The following GRHL2 variants were observed in gnomAD, a reference collection of about 807,000 sequenced individuals.
GRHL2 encodes the protein grainyhead-like protein 2 homolog.
Under a neutral mutation model 83.8 loss-of-function variants are expected in GRHL2, and 21 were observed. That is an observed-to-expected ratio of 0.25 (90% CI 0.18 to 0.36). The LOEUF is 0.36. GRHL2 is among the 10% of genes least tolerant of loss of function. The pLI is 1.00. For missense variants in GRHL2, 623 were observed against 781.8 expected (o/e 0.80, Z 2.42); for synonymous variants, 280 against 278.9 (o/e 1.00, Z -0.04).
At chr8:101,552,832 C>T in intron 3 of GRHL2, 50 bp downstream of exon 3, 1 of 1,531,658 alleles carries the variant, frequency 6.5e-7, no homozygotes, top group Non-Finnish European at 9.0e-7. Context: ...TTCTAAAAAA[C>T]AATGTTATTA....
At chr8:101,630,425 T>C (rs1380584722) in intron 9 of GRHL2, among the ~76,000 whole-genome samples, 5 of 152,250 alleles carry the variant, frequency 3.3e-5, no homozygotes, top group Admixed American at 3.3e-4. Context: ...ATTATTTATA[T>C]ATTAAGGATT....
At chr8:101,644,518 C>T (rs905404418) in intron 13 of GRHL2, among the ~76,000 whole-genome samples, 2 of 152,218 alleles carry the variant, frequency 1.3e-5, no homozygotes, top group African/African-American at 2.4e-5. Context: ...ACTCTTGCTG[C>T]GTGTGTGGAC....
At chr8:101,567,895 T>A (rs1811747698) in intron 4 of GRHL2, among the ~76,000 whole-genome samples, 1 of 152,256 alleles carries the variant, frequency 6.6e-6, no homozygotes, top group South Asian at 2.1e-4. Context: ...TTGCCATGTT[T>A]ACTAATGCTG....
At chr8:101,543,768 T>C in intron 2 of GRHL2, 1 of 349,454 alleles carries the variant, frequency 2.9e-6, no homozygotes, top group Middle Eastern at 6.7e-4. Flanking sequence ...TTTTGCTGAA[T>C]GAAGTATATT....
intron 6 of GRHL2, among the ~76,000 whole-genome samples, chr8:101,576,448 G>A (rs1239108785): frequency 1.3e-5 from 2 of 152,066 alleles, no homozygotes; most frequent in Non-Finnish European, 2.9e-5. Context: ...TTGAATTCCT[G>A]GACTCAAGAG....
At chr8:101,516,898 G>T (rs1810584679) in intron 1 of GRHL2, among the ~76,000 whole-genome samples, 1 of 152,156 alleles carries the variant, frequency 6.6e-6, no homozygotes, top group Non-Finnish European at 1.5e-5. Context: ...GGACTTTTAA[G>T]GCCAGTGAAA....
intron 9 of GRHL2, among the ~76,000 whole-genome samples, chr8:101,629,754 T>A (rs1226770514): frequency 6.6e-6 from 1 of 152,114 alleles, no homozygotes; most frequent in Non-Finnish European, 1.5e-5. Context: ...ATCACAGACT[T>A]TAGTATTTTG....
intron 1 of GRHL2, among the ~76,000 whole-genome samples, chr8:101,529,853 T>C (rs1810885635): frequency 6.6e-6 from 1 of 152,180 alleles, no homozygotes; most frequent in Non-Finnish European, 1.5e-5. Context: ...GGAGGGTCCT[T>C]TGTATATATA....
intron 3 of GRHL2, among the ~76,000 whole-genome samples, chr8:101,556,512 T>C (rs1351542844): frequency 2.0e-5 from 3 of 152,238 alleles, no homozygotes; most frequent in African/African-American, 7.2e-5. Context: ...TAATGAGTTC[T>C]TATTTGTTTC....
At chr8:101,528,959 C>A (rs1490463500) in intron 1 of GRHL2, 1 of 312,038 alleles carries the variant, frequency 3.2e-6, no homozygotes, top group Non-Finnish European at 6.3e-6. Flanking sequence ...TACAAGCTCA[C>A]GGGTACATGG....
chr8:101,656,943 A>T (rs1208099646), intron 14 of GRHL2, among the ~76,000 whole-genome samples: 1 of 148,804 alleles, frequency 6.7e-6, no homozygotes, highest in Non-Finnish European at 1.5e-5. Flanking sequence ...GGAGAGGCAG[A>T]CTGTGTTTCC....
intron 1 of GRHL2, chr8:101,529,677 T>C (rs1810880798): frequency 6.4e-6 from 1 of 156,432 alleles, no homozygotes; most frequent in South Asian, 1.8e-4. Context: ...AAATAACCTT[T>C]TTTGCTCATC....
chr8:101,677,774 T>A, the GRHL2 span, among the ~76,000 whole-genome samples: 3 of 152,130 alleles, frequency 2.0e-5, no homozygotes, highest in South Asian at 6.3e-4. Flanking sequence ...TTCCCAAGGG[T>A]GTCTGGGACC....
At chr8:101,514,297 G>A (rs1471767589) in intron 1 of GRHL2, among the ~76,000 whole-genome samples, 2 of 152,194 alleles carry the variant, frequency 1.3e-5, no homozygotes, top group Non-Finnish European at 2.9e-5. Flanking sequence ...AAAACAAAGA[G>A]ACTTTGTCTC....
chr8:101,562,160 G>A (rs945871958), intron 4 of GRHL2: 2 of 627,788 alleles, frequency 3.2e-6, no homozygotes, highest in African/African-American at 3.6e-5. Context: ...TCTTCGATCT[G>A]TTCATTATAA....
intron 13 of GRHL2, among the ~76,000 whole-genome samples, chr8:101,645,899 A>G (rs1268095959): frequency 6.6e-6 from 1 of 152,224 alleles, no homozygotes; most frequent in Non-Finnish European, 1.5e-5. Context: ...TTTTTGAGAC[A>G]GAGTCTCATT....
chr8:101,592,380 G>A (rs1812306234), intron 7 of GRHL2, among the ~76,000 whole-genome samples: 1 of 152,142 alleles, frequency 6.6e-6, no homozygotes, highest in Non-Finnish European at 1.5e-5. Context: ...TGGGATTACA[G>A]GCACGAGCCA....
At chr8:101,527,953 T>TTACTTA (rs1168457823) in intron 1 of GRHL2, among the ~76,000 whole-genome samples, 3 of 152,216 alleles carry the variant, frequency 2.0e-5, no homozygotes, top group African/African-American at 7.2e-5. Context: ...CCAGTATTTG[T>TTACTTA]AGCATTTTTA....
chr8:101,599,266 A>T (rs1812462032), intron 8 of GRHL2, 115 bp downstream of exon 8: 1 of 766,934 alleles, frequency 1.3e-6, no homozygotes, highest in Non-Finnish European at 2.3e-6. Flanking sequence ...TGAACCTTTC[A>T]TCTTTTGCCT....
Sources: gnomAD v4.1 joint callset for allele counts (sites outside exome capture counted in the v4.1 genomes callset) on GRCh38, gnomAD v4.1.1 for gene constraint, MANE v1.5 for transcripts, NCBI Gene and HGNC (gene_info 2026-07-23, HGNC 2026-07-21) for gene names.